Variants in NTRK3 observed in about 807,000 individuals in gnomAD.
NTRK3 encodes NT-3 growth factor receptor.
A neutral mutation model predicts 91.7 loss-of-function variants in NTRK3; 24 were observed. That is an observed-to-expected ratio of 0.26 (90% CI 0.19 to 0.37). The LOEUF (loss-of-function observed/expected upper bound fraction) is 0.37. Ranked by LOEUF, NTRK3 falls within the 10% of genes least tolerant of loss-of-function variation. The pLI, the probability that NTRK3 is intolerant of heterozygous loss-of-function variation, is 1.00. For synonymous variants in NTRK3, 483 were observed against 404.0 expected, an observed-to-expected ratio of 1.20 and a Z score of -2.34; for missense variants, 880 against 1,068.9, an observed-to-expected ratio of 0.82 and a Z score of 2.46.
intron 14 of NTRK3, among the ~76,000 whole-genome samples, chr15:87,963,693 G>A (rs948612439): frequency 1.3e-5 from 2 of 152,176 alleles, no homozygotes; most frequent in African/African-American, 2.4e-5. Context: ...GTGTTATTAA[G>A]TGCATTTTCA....
intron 13 of NTRK3, among the ~76,000 whole-genome samples, chr15:88,057,156 G>A (rs1478236026): frequency 1.7e-4 from 23 of 136,260 alleles, no homozygotes; most frequent in African/African-American, 3.0e-4. Context: ...GCGACAGAGC[G>A]AAACTCCGTC....
chr15:87,993,898 G>A (rs543077890), intron 14 of NTRK3, among the ~76,000 whole-genome samples: 44 of 152,306 alleles, frequency 2.9e-4, no homozygotes, highest in African/African-American at 1.0e-3. Context: ...CCAAGAATGG[G>A]AGTCTATACC....
exon 19 of NTRK3, chr15:87,871,839 T>C (rs2064833930): frequency 4.5e-6 from 1 of 221,852 alleles, no homozygotes. Flanking sequence ...ATGTATACTT[T>C]CTTTAGAAGA....
intron 3 of NTRK3, among the ~76,000 whole-genome samples, chr15:88,244,836 A>G (rs1364554883): frequency 1.3e-5 from 2 of 152,236 alleles, no homozygotes; most frequent in African/African-American, 4.8e-5. Context: ...GCCAAGAGGG[A>G]ATCAGCTAGT....
intron 13 of NTRK3, among the ~76,000 whole-genome samples, chr15:88,114,363 A>G (rs1567441330): frequency 1.3e-5 from 2 of 152,218 alleles, no homozygotes; most frequent in Non-Finnish European, 1.5e-5. Flanking sequence ...TTATAATTCC[A>G]TATGATCCTA....
intron 14 of NTRK3, among the ~76,000 whole-genome samples, chr15:88,000,809 T>C (rs939710429): frequency 3.9e-5 from 6 of 152,228 alleles, no homozygotes; most frequent in Non-Finnish European, 8.8e-5. Context: ...AATCTTGCTG[T>C]GAATATTCAT....
chr15:88,160,856 T>C (rs1313734964), intron 5 of NTRK3, among the ~76,000 whole-genome samples: 1 of 152,050 alleles, frequency 6.6e-6, no homozygotes, highest in Non-Finnish European at 1.5e-5. Flanking sequence ...AGGTAGGCAA[T>C]GGTTTTCGAA....
At chr15:88,112,562 G>T (rs541230402) in intron 13 of NTRK3, among the ~76,000 whole-genome samples, 41 of 152,284 alleles carry the variant, frequency 2.7e-4, no homozygotes, top group Middle Eastern at 6.8e-3. Flanking sequence ...AGCCCTGTCT[G>T]CAGACAAGTA....
intron 17 of NTRK3, chr15:87,916,383 C>T (rs1331819415): frequency 3.4e-6 from 2 of 581,620 alleles, no homozygotes; most frequent in African/African-American, 1.9e-5. Flanking sequence ...TAAGGGCCCT[C>T]CACAGGAGTA....
At chr15:87,890,534 T>G (rs1478217944) in intron 17 of NTRK3, among the ~76,000 whole-genome samples, 1 of 151,662 alleles carries the variant, frequency 6.6e-6, no homozygotes, top group East Asian at 1.9e-4. Context: ...GAGAGGTTTG[T>G]TTTGGTTTTG....
chr15:87,876,031 A>G, exon 19 of NTRK3: 1 of 232,574 alleles, frequency 4.3e-6, no homozygotes, highest in Non-Finnish European at 8.5e-6. Flanking sequence ...AATCTTTGCA[A>G]TGATGGAAAA....
At chr15:87,973,879 G>A (rs1225677940) in intron 14 of NTRK3, among the ~76,000 whole-genome samples, 1 of 152,104 alleles carries the variant, frequency 6.6e-6, no homozygotes, top group Non-Finnish European at 1.5e-5. Flanking sequence ...CTTGCTTTCA[G>A]AGTCATGCTG....
chr15:88,100,630 C>CA (rs905260713), intron 13 of NTRK3, among the ~76,000 whole-genome samples: 7 of 152,220 alleles, frequency 4.6e-5, no homozygotes, highest in African/African-American at 1.7e-4. Flanking sequence ...ACTGACCTTT[C>CA]AGGCAAAGGA....
chr15:87,927,127 T>C (rs2068380989), intron 17 of NTRK3: 1 of 152,376 alleles, frequency 6.6e-6, no homozygotes, highest in East Asian at 1.9e-4. Flanking sequence ...TGCCACATCA[T>C]GTCTCCTTTT....
chr15:88,157,053 G>A lies in NTRK3; in HGVS notation c.396-9650C>T, dbSNP rs370246967. On this transcript the variant is annotated intron_variant, in intron 5 of 18. Transcript: ENST00000394480. Reference sequence around the variant, plus strand: ...GACAATCCTGTACCCTGCAGGGTGCGGCTTCTGCTCCTCCCACTGCCCTCC... The same window carrying A: ...GACAATCCTGTACCCTGCAGGGTGCAGCTTCTGCTCCTCCCACTGCCCTCC... 9.7e-4 allele frequency among the ~76,000 whole-genome samples: 148 copies of A among 151,994 alleles called. No homozygotes were observed. In the South Asian group the frequency reaches 0.012, roughly 12 times the overall value.
At chr15:87,861,872 C>G (rs1470452055) in exon 19 of NTRK3, 2 of 211,906 alleles carry the variant, frequency 9.4e-6, no homozygotes, top group Non-Finnish European at 9.6e-6. Flanking sequence ...GATGCCTGCT[C>G]TGCATCTCTA....
chr15:88,063,758 GA>G (rs201868612), intron 13 of NTRK3, among the ~76,000 whole-genome samples: 3,284 of 152,290 alleles, frequency 0.022, 42 homozygotes, highest in Non-Finnish European at 0.034. Flanking sequence ...GATACGTGTT[GA>G]ATAGGTGGAA....
At chr15:88,183,331 G>T in intron 5 of NTRK3, 87 bp downstream of exon 5, 1 of 1,397,990 alleles carries the variant, frequency 7.2e-7, no homozygotes, top group Non-Finnish European at 1.0e-6. Context: ...GAGGCAAAAA[G>T]CCAGGTCTAG....
chr15:88,022,751 G>A (rs144388700), intron 14 of NTRK3, among the ~76,000 whole-genome samples: 80 of 151,950 alleles, frequency 5.3e-4, no homozygotes, highest in African/African-American at 1.9e-3. Flanking sequence ...TCCCCTCCTC[G>A]ACCATGAAGT....
Sources: allele counts gnomAD v4.1 joint callset (sites outside exome capture counted in the v4.1 genomes callset), GRCh38; gene constraint gnomAD v4.1.1; transcripts MANE v1.5; gene names NCBI Gene and HGNC (gene_info 2026-07-23, HGNC 2026-07-21).